The following CGGBP1 variants were observed in gnomAD, a reference collection of about 807,000 sequenced individuals.
CGGBP1 encodes the protein CGG triplet repeat-binding protein 1.
CGGBP1 carries 4 observed loss-of-function variants against 11.4 expected under a neutral mutation model. The ratio of observed to expected loss-of-function variants is 0.35; its 90% CI spans 0.17 to 0.80. The LOEUF is 0.80. CGGBP1 is among the 30% of genes least tolerant of loss of function. CGGBP1 has a pLI of 0.52. For synonymous variants in CGGBP1, 76 were observed against 74.1 expected, an observed-to-expected ratio of 1.03 and a Z score of -0.13; for missense variants, 135 against 202.1, an observed-to-expected ratio of 0.67 and a Z score of 2.01.
intron 2 of CGGBP1, among the ~76,000 whole-genome samples, chr3:88,115,792 C>A (rs935313984): frequency 6.6e-6 from 1 of 152,154 alleles, no homozygotes; most frequent in South Asian, 2.1e-4. Context: ...TCATATGATG[C>A]ATCTGCCTCA....
intron 2 of CGGBP1, among the ~76,000 whole-genome samples, chr3:88,114,831 A>C (rs1229698497): frequency 6.6e-6 from 1 of 152,154 alleles, no homozygotes; most frequent in Non-Finnish European, 1.5e-5. Flanking sequence ...TACCTCCCTA[A>C]AACCTTGTAT....
At position 88,119,549 on chromosome 3, in the gene CGGBP1, TA is replaced by T. The variant is rs56122963; in HGVS notation, c.-229+21420del. On this transcript the variant is annotated intron_variant, in intron 2 of 3. Transcript: ENST00000462901. ...TAAAACTTAAAGTATAATAATAAAT[TA>T]AAAAAAAAAAAACAATAATTATTGG... 9.0e-3 allele frequency among the ~76,000 whole-genome samples: 1,281 copies of T among 141,986 alleles called. 8 individuals carry two copies. Among genetic ancestry groups the T allele is most frequent in the African/African-American group, 0.02 (768 of 38,916 alleles). 93.1% of individuals were successfully genotyped at this position (141,986 alleles called of 152,430 possible). A position where few individuals can be genotyped will look rare whatever the true frequency, so the allele number is the denominator to read the frequency against.
chr3:88,071,783 G>A (rs546323799), intron 2 of CGGBP1, among the ~76,000 whole-genome samples: 11 of 152,046 alleles, frequency 7.2e-5, no homozygotes, highest in Admixed American at 1.3e-4. Context: ...CAGCCTGGGC[G>A]ACAAGAGTGA....
intron 2 of CGGBP1, among the ~76,000 whole-genome samples, chr3:88,099,671 C>A (rs1704286914): frequency 6.6e-6 from 1 of 152,166 alleles, no homozygotes; most frequent in Non-Finnish European, 1.5e-5. Flanking sequence ...AATAATACCA[C>A]ACATCTACAA....
intron 2 of CGGBP1, among the ~76,000 whole-genome samples, chr3:88,125,510 TA>T (rs11344619): frequency 0.78 from 119,107 of 152,048 alleles, 47,579 homozygotes; most frequent in South Asian, 0.91. Flanking sequence ...ATCTTAAATC[TA>T]AAGCAAAGTA....
chr3:88,140,289 C>G, intron 2 of CGGBP1: 1 of 1,613,714 alleles, frequency 6.2e-7, no homozygotes. Flanking sequence ...AAGTAAAACA[C>G]CAGAGTCATC....
At chr3:88,133,598 G>T (rs1441855313) in intron 2 of CGGBP1, among the ~76,000 whole-genome samples, 1 of 152,094 alleles carries the variant, frequency 6.6e-6, no homozygotes, top group East Asian at 1.9e-4. Context: ...ATAGCAGTCA[G>T]CATAAACAAA....
intron 1 of CGGBP1, among the ~76,000 whole-genome samples, chr3:88,145,898 G>A (rs1198850241): frequency 6.6e-6 from 1 of 152,118 alleles, no homozygotes; most frequent in Non-Finnish European, 1.5e-5. Context: ...AAATCATACA[G>A]CTAATAAATG....
intron 2 of CGGBP1, among the ~76,000 whole-genome samples, chr3:88,079,339 TA>T (rs1303149509): frequency 1.3e-5 from 2 of 152,068 alleles, no homozygotes; most frequent in Admixed American, 1.3e-4. Context: ...GAGAAATAGT[TA>T]AAATGGATGA....
chr3:88,111,125 G>T (rs1033494197), intron 2 of CGGBP1, among the ~76,000 whole-genome samples: 2 of 152,022 alleles, frequency 1.3e-5, no homozygotes, highest in Admixed American at 1.3e-4. Context: ...GTCAAGAGTG[G>T]AGGTCCATTA....
chr3:88,119,024 C>G (rs1705589758), intron 2 of CGGBP1, among the ~76,000 whole-genome samples: 1 of 149,458 alleles, frequency 6.7e-6, no homozygotes, highest in African/African-American at 2.5e-5. Flanking sequence ...ACCCAGCCAT[C>G]CCATTACTGG....
chr3:88,138,756 CA>C, intron 2 of CGGBP1: 1 of 1,232,036 alleles, frequency 8.1e-7, no homozygotes, highest in Non-Finnish European at 1.0e-6. Flanking sequence ...TTGTGCTCTA[CA>C]ACTCGACCTT....
intron 2 of CGGBP1, among the ~76,000 whole-genome samples, chr3:88,096,153 A>G (rs562036781): frequency 5.3e-5 from 8 of 152,096 alleles, no homozygotes; most frequent in Admixed American, 2.6e-4. Flanking sequence ...AATGTCAACC[A>G]TCCTAGATAA....
At chr3:88,129,779 A>G in intron 2 of CGGBP1, 1 of 1,527,718 alleles carries the variant, frequency 6.5e-7, no homozygotes, top group Non-Finnish European at 8.8e-7. Context: ...AACTCTGTGA[A>G]TCCTTTCTTA....
Position 88,145,359 on chromosome 3 carries a change from C to A in CGGBP1, c.-337-4281G>T, listed in dbSNP as rs78395523. ...GGGATAAAATGATTTGTGCATGTTACAAGCATTATGCCTTGAAACACTATG... is the reference window on the plus strand; with the variant it reads ...GGGATAAAATGATTTGTGCATGTTAAAAGCATTATGCCTTGAAACACTATG... On this transcript the variant is annotated intron_variant, in intron 1 of 3. Coordinates refer to the CGGBP1 transcript ENST00000462901. Among the ~76,000 whole-genome samples, 35 of 152,156 alleles carry A rather than the reference C, an allele frequency of 2.3e-4. 1 individual carries two copies. In the East Asian group the frequency reaches 6.6e-3, roughly 29 times the overall value.
At position 88,055,538 on chromosome 3, in the gene CGGBP1, G is replaced by A. The variant is rs1287836989; in HGVS notation, c.439C>T (p.Arg147Trp). The A allele has an allele frequency of 1.9e-6, 3 of 1,581,988 alleles. No homozygotes were observed. The highest frequency in any genetic ancestry group is 2.6e-6 in the Non-Finnish European group (3 of 1,160,148). The change falls in exon 4 of 4, where the codon CGG (arginine) becomes TGG (tryptophan). Residue 147 changes from arginine to tryptophan, a missense_variant. Arg to Trp is a moderately radical substitution (Grantham distance 101). Coordinates refer to ENST00000482016, the MANE Select transcript of CGGBP1 (RefSeq NM_001008390.2). The surrounding 1 kb of genome is among the most constrained non-coding windows in gnomAD (Gnocchi z 4.2). ...TATCCATCAGGAAGATATGCCCTCC[G>A]TAGCTGGTCTGACTTAGGTATGGAG... ...GGSIPKSDQL[R>W]RAYLPDGYEN...
chr3:88,140,930 A>G (rs1707089839), intron 2 of CGGBP1: 1 of 1,613,616 alleles, frequency 6.2e-7, no homozygotes, highest in East Asian at 2.2e-5. Context: ...ATAAAAAATC[A>G]GTGAAAAGAT....
At chr3:88,140,550 C>G (rs1404856213) in intron 2 of CGGBP1, 1 of 1,613,644 alleles carries the variant, frequency 6.2e-7, no homozygotes, top group Admixed American at 1.7e-5. Context: ...CCAAAAGATG[C>G]CTGACATAGA....
intron 2 of CGGBP1, chr3:88,135,042 CT>C (rs200735088): frequency 3.7e-6 from 5 of 1,363,638 alleles, no homozygotes; most frequent in Admixed American, 7.1e-5. Flanking sequence ...TGATAATTCT[CT>C]TTTTTTCTCA....
Sources: allele counts gnomAD v4.1 joint callset (sites outside exome capture counted in the v4.1 genomes callset), GRCh38; gene constraint gnomAD v4.1.1; non-coding constraint Gnocchi (gnomAD v3.1); transcripts MANE v1.5; gene names NCBI Gene and HGNC (gene_info 2026-07-23, HGNC 2026-07-21).